MPP7: variants seen among roughly 807,000 people sequenced by gnomAD.
MPP7 encodes the protein MAGUK p55 scaffold protein 7, also known as MAGUK p55 subfamily member 7.
A neutral mutation model predicts 76.5 loss-of-function variants in MPP7; 60 were observed. The observed-to-expected ratio is 0.78, with a 90% confidence interval of 0.64 to 0.97. The LOEUF is 0.97. Ranked by LOEUF, MPP7 falls within the 50% of genes least tolerant of loss-of-function variation. The pLI is 0.00. For missense variants in MPP7, 641 were observed against 694.0 expected, an observed-to-expected ratio of 0.92 and a Z score of 0.86; for synonymous variants, 237 against 244.5, an observed-to-expected ratio of 0.97 and a Z score of 0.29.
intron 1 of MPP7, among the ~76,000 whole-genome samples, chr10:28,288,712 G>C (rs916535026): frequency 6.6e-6 from 1 of 152,264 alleles, no homozygotes; most frequent in African/African-American, 2.4e-5. Context: ...GCAGCTCCAA[G>C]GATATGGAGC....
chr10:28,290,831 GAAGT>G (rs1213090271), intron 1 of MPP7, among the ~76,000 whole-genome samples: 1 of 152,170 alleles, frequency 6.6e-6, no homozygotes, highest in African/African-American at 2.4e-5. Flanking sequence ...ACACGTGAAA[GAAGT>G]AACTCACCTA....
rs938311216 is a variant in MPP7 at position 28,142,602 on chromosome 10, G to A, written c.315+4881C>T. Among the ~76,000 whole-genome samples, 9 of 152,114 alleles carry A rather than the reference G, an allele frequency of 5.9e-5. 1 individual carries two copies. The highest frequency in any genetic ancestry group is 8.8e-5 in the Non-Finnish European group (6 of 68,012). On this transcript the variant is annotated intron_variant, in intron 5 of 16. Coordinates refer to ENST00000683449, the MANE Select transcript of MPP7 (RefSeq NM_001318170.2). The stretch of plus-strand genomic sequence containing the variant: ...AAGAATTAGCCAGGTGTGGTGGCGT[G>A]CACCTGTAGTCCCAGCTAGTTAGGA...
intron 2 of MPP7, among the ~76,000 whole-genome samples, chr10:28,311,656 G>A (rs1018183258): frequency 6.6e-6 from 1 of 152,208 alleles, no homozygotes. Flanking sequence ...GCTGAGGTAG[G>A]AGGATTGCTT....
At chr10:28,206,997 A>G (rs1251427093) in intron 2 of MPP7, among the ~76,000 whole-genome samples, 1 of 152,192 alleles carries the variant, frequency 6.6e-6, no homozygotes, top group Non-Finnish European at 1.5e-5. Context: ...AACCATACCC[A>G]AAAATTTTGA....
intron 3 of MPP7, among the ~76,000 whole-genome samples, chr10:28,189,079 T>G (rs1200835656): frequency 1.3e-5 from 2 of 152,190 alleles, no homozygotes; most frequent in African/African-American, 2.4e-5. Flanking sequence ...AATATTTTAT[T>G]TGTTTTATTC....
chr10:28,227,794 T>A (rs1247406894), intron 2 of MPP7, among the ~76,000 whole-genome samples: 1 of 152,212 alleles, frequency 6.6e-6, no homozygotes, highest in Admixed American at 6.5e-5. Flanking sequence ...CATGCATGTA[T>A]CTTTATAACA....
intron 2 of MPP7, among the ~76,000 whole-genome samples, chr10:28,233,697 G>A (rs1219242447): frequency 6.4e-5 from 9 of 141,650 alleles, no homozygotes; most frequent in South Asian, 2.3e-4. Flanking sequence ...CAGCCTGGGC[G>A]ACAGAGCGAG....
chr10:28,193,565 C>G (rs1200819350), intron 3 of MPP7, among the ~76,000 whole-genome samples: 2 of 152,092 alleles, frequency 1.3e-5, no homozygotes, highest in Non-Finnish European at 2.9e-5. Context: ...AAGAAAAAAT[C>G]TGTAAGTTAG....
intron 2 of MPP7, among the ~76,000 whole-genome samples, chr10:28,215,888 T>G (rs1838293322): frequency 6.6e-6 from 1 of 152,104 alleles, no homozygotes; most frequent in East Asian, 1.9e-4. Context: ...ATGCTAAAAC[T>G]TATTAAGTAT....
chr10:28,268,932 G>T (rs905172930), intron 1 of MPP7, among the ~76,000 whole-genome samples: 2 of 140,112 alleles, frequency 1.4e-5, no homozygotes. Context: ...AAAAAACAAA[G>T]AAAAAGAAAA....
upstream of MPP7, among the ~76,000 whole-genome samples, chr10:28,306,374 C>T (rs1841255811): frequency 6.6e-6 from 1 of 152,220 alleles, no homozygotes; most frequent in Non-Finnish European, 1.5e-5. Context: ...GAAGAGGCTG[C>T]ATACAGTAGC....
At chr10:28,165,247 TG>T (rs1353399471) in intron 3 of MPP7, among the ~76,000 whole-genome samples, 12 of 152,130 alleles carry the variant, frequency 7.9e-5, no homozygotes, top group African/African-American at 2.4e-4. Context: ...AGATATTGAT[TG>T]GGCACTGTGG....
upstream of MPP7, chr10:28,305,841 C>G (rs982220539): frequency 1.3e-5 from 2 of 152,186 alleles, no homozygotes; most frequent in African/African-American, 4.8e-5. Context: ...GGGAGCTGAG[C>G]AAAATATGAG....
At chr10:28,124,465 G>GTTTTTTT (rs1564643966) in intron 7 of MPP7, among the ~76,000 whole-genome samples, 1 of 98,008 alleles carries the variant, frequency 1.0e-5, no homozygotes, top group African/African-American at 4.1e-5. Context: ...GAAGAAACAA[G>GTTTTTTT]ATTTTTTTTT....
rs532180139 is a variant in MPP7, at chr10:28,052,378, T to C, written c.*1687A>G. 3 of 152,282 alleles carry C rather than the reference T, an allele frequency of 2.0e-5. No homozygotes were observed. The highest frequency in any genetic ancestry group is 7.2e-5 in the African/African-American group (3 of 41,576). The allele number at this position is 152,282 out of a possible 1,614,324, so 9.4% of individuals were successfully genotyped here. A position where few individuals can be genotyped will look rare whatever the true frequency, so the allele number is the denominator to read the frequency against. On this transcript the variant is annotated 3_prime_UTR_variant, in exon 17 of 17. Transcript: ENST00000683449. ...TTTAATTAATACACTTAGAACTCAC[T>C]GTCTGGATCACGTTGTTATATAATA...
At chr10:28,106,757 C>A (rs559523453) in intron 11 of MPP7, among the ~76,000 whole-genome samples, 21 of 152,304 alleles carry the variant, frequency 1.4e-4, no homozygotes, top group African/African-American at 5.0e-4. Flanking sequence ...AACTCTGTCA[C>A]TCCTTGACAC....
chr10:28,176,749 C>T (rs1836873848), intron 3 of MPP7, among the ~76,000 whole-genome samples: 1 of 151,240 alleles, frequency 6.6e-6, no homozygotes, highest in Admixed American at 6.6e-5. Context: ...AAAAAAGAAA[C>T]CATCATTCTG....
chr10:28,290,696 C>T (rs1164172849), intron 1 of MPP7, among the ~76,000 whole-genome samples: 10 of 152,258 alleles, frequency 6.6e-5, no homozygotes, highest in South Asian at 4.1e-4. Flanking sequence ...TGGTCTCGAA[C>T]GCCTGACCTC....
At chr10:28,193,640 T>G (rs1304102681) in intron 3 of MPP7, among the ~76,000 whole-genome samples, 1 of 151,990 alleles carries the variant, frequency 6.6e-6, no homozygotes, top group Non-Finnish European at 1.5e-5. Flanking sequence ...AAAGACAAAC[T>G]GGGAGAAAAT....
Sources: allele counts gnomAD v4.1 joint callset (sites outside exome capture counted in the v4.1 genomes callset), GRCh38; gene constraint gnomAD v4.1.1; transcripts MANE v1.5; gene names NCBI Gene and HGNC (gene_info 2026-07-23, HGNC 2026-07-21).